Variants in GON4L observed in about 807,000 individuals in gnomAD.
GON4L encodes the protein gon-4 like.
Under a neutral mutation model 211.8 loss-of-function variants are expected in GON4L, and 87 were observed. That is an observed-to-expected ratio of 0.41 (90% confidence interval 0.35 to 0.49). The LOEUF is 0.49. Ranked by LOEUF, GON4L falls within the 20% of genes least tolerant of loss-of-function variation. The probability of loss-of-function intolerance (pLI) is 0.15; values close to 1 mark genes in which losing one functional copy is unlikely to be tolerated. For missense variants in GON4L, 2,155 were observed against 2,659.5 expected, an observed-to-expected ratio of 0.81 and a Z score of 4.17; for synonymous variants, 875 against 962.6, an observed-to-expected ratio of 0.91 and a Z score of 1.68.
intron 2 of GON4L, among the ~76,000 whole-genome samples, chr1:155,842,396 C>T (rs991230624): frequency 3.3e-5 from 5 of 151,776 alleles, no homozygotes; most frequent in Non-Finnish European, 5.9e-5. Context: ...TGGTGGCAGG[C>T]ACCTGTAGTC....
rs1198137640 is a variant in GON4L at position 155,765,526 on chromosome 1, G to A, written c.3947C>T (p.Pro1316Leu). 5 of 1,614,034 alleles carry A rather than the reference G, an allele frequency of 3.1e-6. No individual in the cohort carries two copies. The highest frequency in any genetic ancestry group is 4.2e-6 in the Non-Finnish European group (5 of 1,180,026). Residue 1316 changes from proline (P) to leucine (L), a missense_variant, in exon 21 of 32, where the codon CCT becomes CTT. Pro to Leu is a moderately conservative substitution (Grantham distance 98, BLOSUM62 -3). Coordinates refer to ENST00000368331, the MANE Select transcript of GON4L (RefSeq NM_001282860.2). ...AATTTCCTCTAAATCCCCAGGGGTA[G>A]GGTTGTTTAGAGACTCCTGGATGCC... is the stretch of plus-strand genomic sequence containing the variant. ...PQGIQESLNN[P>L]TPGDLEEIVK...
Position 155,813,252 on chromosome 1 carries a change from T to C in GON4L, c.1452+382A>G, listed in dbSNP as rs563017218. Among the ~76,000 whole-genome samples, 194 of 151,748 alleles carry C rather than the reference T, an allele frequency of 1.3e-3. 1 individual carries two copies. The highest frequency in any genetic ancestry group is 4.5e-3 in the African/African-American group (186 of 41,372). On this transcript the variant is annotated intron_variant, in intron 10 of 31. Coordinates refer to ENST00000368331, the MANE Select transcript of GON4L (RefSeq NM_001282860.2). ...TTCAATACCAGCCTGAGCAAAAATA[T>C]AGGGAGACCTCATCTCTACAAAAAA...
At chr1:155,831,467 AAAT>A (rs1669762700) in intron 2 of GON4L, 2 of 147,856 alleles carry the variant, frequency 1.4e-5, no homozygotes, top group Non-Finnish European at 3.0e-5. Flanking sequence ...ATAAATAAAT[AAAT>A]AAATAAATAA....
chr1:155,785,096 C>G, intron 13 of GON4L: 1 of 572,492 alleles, frequency 1.7e-6, no homozygotes, highest in South Asian at 1.6e-5. Flanking sequence ...CAAGAACCCC[C>G]TCAAACAAAA....
intron 14 of GON4L, among the ~76,000 whole-genome samples, chr1:155,782,713 A>C (rs1664542800): frequency 6.6e-6 from 1 of 152,048 alleles, no homozygotes; most frequent in Non-Finnish European, 1.5e-5. Flanking sequence ...CTCTCTGTCA[A>C]GCAGGCTGTC....
intron 10 of GON4L, 96 bp downstream of exon 10, chr1:155,813,538 A>G: frequency 1.1e-6 from 1 of 901,714 alleles, no homozygotes; most frequent in Non-Finnish European, 1.8e-6. Context: ...TTACTTATAT[A>G]AAATTGTAGT....
intron 19 of GON4L, among the ~76,000 whole-genome samples, chr1:155,770,134 C>A (rs1663037627): frequency 6.6e-6 from 1 of 150,864 alleles, no homozygotes; most frequent in African/African-American, 2.4e-5. Context: ...AATGCTTGAG[C>A]CCAGTAGCTG....
intron 11 of GON4L, among the ~76,000 whole-genome samples, chr1:155,797,483 C>T (rs944617376): frequency 4.0e-5 from 6 of 150,500 alleles, no homozygotes; most frequent in East Asian, 2.0e-4. Flanking sequence ...GAGGGAGTTT[C>T]GCTCTTGTTG....
rs376908506 is a variant in GON4L at position 155,762,333 on chromosome 1, G to C, written c.4768C>G (p.Arg1590Gly). ...KAAGKGRNNHRARNKRGSRAR... is the reference protein window; with the variant it reads ...KAAGKGRNNHGARNKRGSRAR... ...CGACTTCCCCGCTTGTTGCGAGCTC[G>C]ATGATTGTTCCGGCCTTTTCCAGCA... is the stretch of plus-strand genomic sequence containing the variant. Residue 1590 changes from arginine (R) to glycine (G), a missense_variant, in exon 23 of 32, where the codon CGA (arginine) becomes GGA (glycine). By Grantham distance (125) the Arg-to-Gly change is moderately radical. This residue lies in a region of GON4L where 455 missense variants were observed against 504.6 expected (regional missense o/e 0.90). Transcript: ENST00000368331. 6.2e-7 allele frequency: 1 copy of C among 1,613,390 alleles called. No individual in the cohort carries two copies. Among genetic ancestry groups the C allele is most frequent in the Non-Finnish European group, 8.5e-7 (1 of 1,179,522 alleles).
At chr1:155,817,331 A>C (rs1298455142) in intron 6 of GON4L, among the ~76,000 whole-genome samples, 1 of 152,156 alleles carries the variant, frequency 6.6e-6, no homozygotes, top group Non-Finnish European at 1.5e-5. Flanking sequence ...ACTGCTGATA[A>C]AATGCCATTG....
At position 155,759,338 on chromosome 1, in the gene GON4L, G is replaced by A. The variant is rs535149149; in HGVS notation, c.5109+1106C>T. Among the ~76,000 whole-genome samples, 70 of 152,216 alleles carry A rather than the reference G, an allele frequency of 4.6e-4. 1 individual carries two copies. The highest frequency in any genetic ancestry group is 1.5e-3 in the African/African-American group (61 of 41,564). On this transcript the variant is annotated intron_variant, in intron 24 of 31. Coordinates refer to ENST00000368331, the MANE Select transcript of GON4L (RefSeq NM_001282860.2). ...TGTAATCCCAGCAATTTGGGAGGTCGAGGTGGGCAGATCACCTGAGGTCTG... is the reference window on the plus strand; with the variant it reads ...TGTAATCCCAGCAATTTGGGAGGTCAAGGTGGGCAGATCACCTGAGGTCTG...
At chr1:155,821,121 C>G (rs1444080871) in intron 5 of GON4L, among the ~76,000 whole-genome samples, 1 of 152,006 alleles carries the variant, frequency 6.6e-6, no homozygotes, top group Admixed American at 6.6e-5. Flanking sequence ...AAAAAATTAG[C>G]CGGGCGTGGT....
intron 6 of GON4L, among the ~76,000 whole-genome samples, chr1:155,819,186 C>T (rs2102234890): frequency 6.6e-6 from 1 of 151,758 alleles, no homozygotes; most frequent in East Asian, 1.9e-4. Context: ...ACCTGTAATC[C>T]CAGCTACTCA....
chr1:155,818,555 C>G (rs1168774308), intron 6 of GON4L, among the ~76,000 whole-genome samples: 6 of 152,124 alleles, frequency 3.9e-5, no homozygotes, highest in Non-Finnish European at 7.3e-5. Context: ...AGTTAGTCAA[C>G]CAGACCAAAA....
chr1:155,798,576 AT>A (rs34273258), intron 11 of GON4L, among the ~76,000 whole-genome samples: 5 of 89,518 alleles, frequency 5.6e-5, no homozygotes, highest in African/African-American at 1.4e-4. Context: ...CGTCAGGCTA[AT>A]TTTTTTTTTT....
chr1:155,791,920 A>AACATAACATC (rs869263575), intron 12 of GON4L, among the ~76,000 whole-genome samples: 1 of 127,964 alleles, frequency 7.8e-6, no homozygotes, highest in African/African-American at 3.4e-5. Flanking sequence ...AACATAACAT[A>AACATAACATC]ACATCACATA....
At chr1:155,858,402 C>T (rs1270613394), upstream of GON4L, among the ~76,000 whole-genome samples, 1 of 152,124 alleles carries the variant, frequency 6.6e-6, no homozygotes, top group Non-Finnish European at 1.5e-5. Context: ...TTATCCACAG[C>T]CAAAATGAAG....
chr1:155,780,078 CGT>C, intron 14 of GON4L, among the ~76,000 whole-genome samples: 1 of 151,904 alleles, frequency 6.6e-6, no homozygotes, highest in Non-Finnish European at 1.5e-5. Context: ...GGATTACAGG[CGT>C]GAGCCACTGC....
At chr1:155,759,464 C>T (rs1382890922) in intron 24 of GON4L, among the ~76,000 whole-genome samples, 1 of 152,002 alleles carries the variant, frequency 6.6e-6, no homozygotes, top group Non-Finnish European at 1.5e-5. Flanking sequence ...ATCCCGGCTA[C>T]TCGGGAGGCT....
Sources: allele counts gnomAD v4.1 joint callset (sites outside exome capture counted in the v4.1 genomes callset), GRCh38; gene constraint gnomAD v4.1.1; regional missense constraint gnomAD v4.1.1; transcripts MANE v1.5; gene names NCBI Gene and HGNC (gene_info 2026-07-23, HGNC 2026-07-21).